Variants in RIN2 observed in about 807,000 individuals in gnomAD.
The protein encoded by RIN2 is RAB5 interacting protein 2.
Under a neutral mutation model 78.0 loss-of-function variants are expected in RIN2, and 36 were observed. The ratio of observed to expected loss-of-function variants is 0.46; its 90% confidence interval spans 0.35 to 0.61. RIN2 has a LOEUF of 0.61. RIN2 is among the 20% of genes least tolerant of loss of function. RIN2 has a pLI of 0.00. For synonymous variants in RIN2, 466 were observed against 466.8 expected (o/e 1.00, Z 0.02); for missense variants, 1,087 against 1,159.7 (o/e 0.94, Z 0.91).
intron 2 of RIN2, among the ~76,000 whole-genome samples, chr20:19,847,843 T>A (rs182745550): frequency 1.8e-3 from 268 of 152,344 alleles, no homozygotes; most frequent in African/African-American, 6.0e-3. Context: ...TGATCAGTTC[T>A]GCTCTAGAAC....
intron 4 of RIN2, among the ~76,000 whole-genome samples, chr20:19,936,037 A>G (rs924379679): frequency 6.6e-6 from 1 of 152,218 alleles, no homozygotes; most frequent in Non-Finnish European, 1.5e-5. Flanking sequence ...CAGGCCAGCC[A>G]GATGGTTCTG....
intron 9 of RIN2, among the ~76,000 whole-genome samples, chr20:19,984,469 T>C (rs1399344334): frequency 6.6e-6 from 1 of 152,086 alleles, no homozygotes; most frequent in East Asian, 1.9e-4. Flanking sequence ...AAAAATACGG[T>C]AACAGAATCT....
chr20:19,887,602 A>G (rs1251685861), intron 2 of RIN2, among the ~76,000 whole-genome samples: 2 of 152,186 alleles, frequency 1.3e-5, no homozygotes, highest in Non-Finnish European at 2.9e-5. Flanking sequence ...GTACACATGA[A>G]GTTTTCAGGC....
intron 2 of RIN2, among the ~76,000 whole-genome samples, chr20:19,882,200 T>C (rs2038045543): frequency 6.6e-6 from 1 of 152,096 alleles, no homozygotes; most frequent in African/African-American, 2.4e-5. Context: ...TCTTACAAAA[T>C]TCGGACATTC....
intron 1 of RIN2, among the ~76,000 whole-genome samples, chr20:19,772,550 TG>T: frequency 6.6e-6 from 1 of 152,232 alleles, no homozygotes; most frequent in Non-Finnish European, 1.5e-5. Context: ...GGAACCATGC[TG>T]ATCTTGGGTT....
At chr20:19,810,563 A>G (rs2035557920) in intron 2 of RIN2, among the ~76,000 whole-genome samples, 1 of 152,136 alleles carries the variant, frequency 6.6e-6, no homozygotes, top group Non-Finnish European at 1.5e-5. Context: ...CCTCGGCAGA[A>G]CATCAGCCGG....
chr20:19,961,172 G>T (rs966818258), intron 6 of RIN2, among the ~76,000 whole-genome samples: 1 of 152,218 alleles, frequency 6.6e-6, no homozygotes, highest in African/African-American at 2.4e-5. Context: ...TGTAGCGAGA[G>T]AGCCCTTTCA....
chr20:19,801,423 C>T (rs927477812), intron 2 of RIN2, among the ~76,000 whole-genome samples: 6 of 152,112 alleles, frequency 3.9e-5, no homozygotes, highest in Non-Finnish European at 7.3e-5. Context: ...CGGGTTCACG[C>T]CATTCTCCTG....
At chr20:19,807,352 G>T (rs1488434253) in intron 2 of RIN2, among the ~76,000 whole-genome samples, 2 of 152,166 alleles carry the variant, frequency 1.3e-5, no homozygotes, top group African/African-American at 4.8e-5. Context: ...GGGCAAACAT[G>T]ATGTGAAATT....
intron 4 of RIN2, among the ~76,000 whole-genome samples, chr20:19,952,629 C>A (rs963445048): frequency 1.3e-5 from 2 of 152,098 alleles, no homozygotes; most frequent in Non-Finnish European, 2.9e-5. Flanking sequence ...CTTTTCAGCT[C>A]CTTGAAACCA....
rs560701881 is a variant in RIN2, at chr20:19,978,655, A to G, written c.1762+2868A>G. Reference sequence around the variant, plus strand: ...AGCACTTCCAACCAAAAGCCCTGCTATGCAGAGGTTCCTGAATACATGTTC... The same window carrying G: ...AGCACTTCCAACCAAAAGCCCTGCTGTGCAGAGGTTCCTGAATACATGTTC... On this transcript the variant is annotated intron_variant, in intron 9 of 12. Coordinates refer to ENST00000255006, the MANE Select transcript of RIN2 (RefSeq NM_018993.4). Among the ~76,000 whole-genome samples the G allele has an allele frequency of 5.3e-5, 8 of 152,324 alleles. No individual in the cohort carries two copies. The East Asian group carries it at 1.5e-3, about 29-fold the overall frequency.
chr20:19,771,890 C>T (rs547634705), intron 1 of RIN2, among the ~76,000 whole-genome samples: 2 of 152,272 alleles, frequency 1.3e-5, no homozygotes, highest in African/African-American at 4.8e-5. Flanking sequence ...CTCCTCTTGC[C>T]CTCCTCACTC....
intron 11 of RIN2, among the ~76,000 whole-genome samples, chr20:19,993,762 A>G (rs1285059627): frequency 6.6e-6 from 1 of 152,056 alleles, no homozygotes; most frequent in Admixed American, 6.5e-5. Context: ...CCAGGGACCA[A>G]GAGAAGCATG....
chr20:19,973,831 A>G (rs2042182655), intron 8 of RIN2, among the ~76,000 whole-genome samples: 1 of 152,200 alleles, frequency 6.6e-6, no homozygotes, highest in Non-Finnish European at 1.5e-5. Context: ...AATGGAAATT[A>G]TAACAGGCAC....
At chr20:19,921,167 G>C (rs986788406) in intron 3 of RIN2, among the ~76,000 whole-genome samples, 3 of 152,180 alleles carry the variant, frequency 2.0e-5, no homozygotes, top group Non-Finnish European at 4.4e-5. Context: ...TCTTTTGTAT[G>C]TTGAGAGGAG....
chr20:19,980,151 A>G (rs1195647741), intron 9 of RIN2, among the ~76,000 whole-genome samples: 1 of 152,062 alleles, frequency 6.6e-6, no homozygotes, highest in South Asian at 2.1e-4. Flanking sequence ...GATCTAGTAC[A>G]TGTGACCCTA....
At chr20:19,901,873 C>T (rs548975285) in intron 3 of RIN2, among the ~76,000 whole-genome samples, 6 of 151,928 alleles carry the variant, frequency 3.9e-5, no homozygotes, top group South Asian at 4.2e-4. Context: ...AAAAATTAGC[C>T]GGGTGTGGTG....
chr20:19,897,992 G>T (rs1354283944), intron 3 of RIN2, among the ~76,000 whole-genome samples: 1 of 152,160 alleles, frequency 6.6e-6, no homozygotes, highest in African/African-American at 2.4e-5. Flanking sequence ...GGGATTATTG[G>T]CATGAGCTTT....
intron 3 of RIN2, 82 bp from the exon 4 acceptor site, chr20:19,935,017 G>T: frequency 3.2e-6 from 3 of 944,244 alleles, no homozygotes; most frequent in Non-Finnish European, 5.0e-6. Context: ...TGTTCCTATT[G>T]AAAAGCCTGA....
Sources: allele counts gnomAD v4.1 joint callset (sites outside exome capture counted in the v4.1 genomes callset), GRCh38; gene constraint gnomAD v4.1.1; transcripts MANE v1.5; gene names NCBI Gene and HGNC (gene_info 2026-07-23, HGNC 2026-07-21).